AQP7B: variants seen among roughly 807,000 people sequenced by gnomAD.
AQP7B encodes the protein putative aquaporin-7B.
the AQP7B span, among the ~76,000 whole-genome samples, chr2:94,600,231 G>A: frequency 9.9e-5 from 15 of 152,142 alleles, no homozygotes; most frequent in East Asian, 1.7e-3. Context: ...CTTTGACTTC[G>A]GCCCTTATGT....
At chr2:94,597,623 T>TG in the AQP7B span, among the ~76,000 whole-genome samples, 3 of 150,972 alleles carry the variant, frequency 2.0e-5, no homozygotes, top group Non-Finnish European at 4.4e-5. Context: ...TTTTTTTTTT[T>TG]TTGTTTTTTT....
the AQP7B span, chr2:94,603,525 C>T: frequency 5.0e-6 from 8 of 1,591,502 alleles, no homozygotes; most frequent in East Asian, 1.6e-4. Flanking sequence ...GATGAGTACC[C>T]CTCCCCCTGC....
the AQP7B span, chr2:94,604,334 G>A: frequency 8.1e-6 from 13 of 1,610,540 alleles, 1 homozygote; most frequent in South Asian, 1.1e-4. Context: ...ACCACTTCTG[G>A]GTGCCTCTCT....
At chr2:94,595,474 A>G in the AQP7B span, among the ~76,000 whole-genome samples, 1 of 152,082 alleles carries the variant, frequency 6.6e-6, no homozygotes, top group South Asian at 2.1e-4. Flanking sequence ...GAGAGATTGA[A>G]GAGAAACTTG....
the AQP7B span, among the ~76,000 whole-genome samples, chr2:94,599,828 AGTTCTC>A: frequency 6.6e-6 from 1 of 151,810 alleles, no homozygotes; most frequent in African/African-American, 2.4e-5. Context: ...TCCTCAGGCA[AGTTCTC>A]GAAGAGGAGT....
the AQP7B span, among the ~76,000 whole-genome samples, chr2:94,600,392 C>A: frequency 2.6e-5 from 4 of 151,996 alleles, no homozygotes; most frequent in Non-Finnish European, 4.4e-5. Flanking sequence ...AATAATTAAC[C>A]CATATATCCA....
chr2:94,602,973 A>G, the AQP7B span: 2 of 1,504,520 alleles, frequency 1.3e-6, no homozygotes, highest in Non-Finnish European at 9.0e-7. Flanking sequence ...CGTTGTTCTC[A>G]TACTGTTTGT....
At chr2:94,603,810 C>G in the AQP7B span, 1 of 1,512,690 alleles carries the variant, frequency 6.6e-7, no homozygotes, top group Admixed American at 1.7e-5. Context: ...TGATAAGCAT[C>G]CTCGTGGTCA....
chr2:94,590,943 TCAAAAAA>T, the AQP7B span, among the ~76,000 whole-genome samples: 1 of 44,408 alleles, frequency 2.3e-5, no homozygotes, highest in Non-Finnish European at 4.4e-5. Flanking sequence ...AGACCCTGTC[TCAAAAAA>T]AAAAAAAAAA....
At chr2:94,587,668 G>C in the AQP7B span, among the ~76,000 whole-genome samples, 2 of 152,192 alleles carry the variant, frequency 1.3e-5, no homozygotes, top group Admixed American at 6.5e-5. Flanking sequence ...CAGCAGTAGA[G>C]CAGAGATGGC....
the AQP7B span, chr2:94,603,085 G>A: frequency 1.1e-4 from 181 of 1,590,286 alleles, no homozygotes; most frequent in Admixed American, 4.9e-4. Context: ...GCGCTGGGCC[G>A]CGTGCCCTGG....
the AQP7B span, among the ~76,000 whole-genome samples, chr2:94,591,046 C>T: frequency 6.6e-6 from 1 of 151,222 alleles, no homozygotes; most frequent in African/African-American, 2.4e-5. Flanking sequence ...CTTAGGGGAT[C>T]TGGTTGGCTG....
At chr2:94,603,785 G>A in the AQP7B span, 6 of 1,533,966 alleles carry the variant, frequency 3.9e-6, no homozygotes, top group Admixed American at 1.7e-5. Flanking sequence ...GCACTGCCAG[G>A]AACACACGCG....
chr2:94,588,269 G>T, the AQP7B span, among the ~76,000 whole-genome samples: 1 of 152,040 alleles, frequency 6.6e-6, no homozygotes, highest in Non-Finnish European at 1.5e-5. Flanking sequence ...GCACTGGAGG[G>T]TCTGGCCTGG....
the AQP7B span, among the ~76,000 whole-genome samples, chr2:94,598,605 G>A: frequency 2.0e-5 from 3 of 152,214 alleles, no homozygotes; most frequent in African/African-American, 7.2e-5. Context: ...CACTCCAGCT[G>A]ACTGTTGTCA....
the AQP7B span, chr2:94,604,218 C>A: frequency 1.4e-6 from 2 of 1,448,172 alleles, no homozygotes; most frequent in African/African-American, 1.4e-5. Context: ...AACCAGTCTT[C>A]GCCCAAGGTG....
At chr2:94,598,151 C>T in the AQP7B span, among the ~76,000 whole-genome samples, 1 of 152,088 alleles carries the variant, frequency 6.6e-6, no homozygotes, top group Non-Finnish European at 1.5e-5. Flanking sequence ...AGGTGTAAGC[C>T]TATATCGGAT....
chr2:94,602,370 T>C, the AQP7B span: 3 of 1,004,808 alleles, frequency 3.0e-6, no homozygotes, highest in South Asian at 1.7e-5. Context: ...TGGCAGAGGG[T>C]CTTCCAGGCA....
At chr2:94,590,894 TTGAC>T in the AQP7B span, among the ~76,000 whole-genome samples, 3 of 148,672 alleles carry the variant, frequency 2.0e-5, no homozygotes, top group African/African-American at 7.5e-5. Flanking sequence ...TCAGTGAGCT[TTGAC>T]TGTGCCACTG....
Sources: gnomAD v4.1 joint callset for allele counts (sites outside exome capture counted in the v4.1 genomes callset) on GRCh38, gnomAD v4.1.1 for gene constraint, MANE v1.5 for transcripts, NCBI Gene and HGNC (gene_info 2026-07-23, HGNC 2026-07-21) for gene names.